PIP4K2C: variants seen among roughly 807,000 people sequenced by gnomAD.
The protein encoded by PIP4K2C is phosphatidylinositol 5-phosphate 4-kinase type-2 gamma.
A neutral mutation model predicts 45.0 loss-of-function variants in PIP4K2C; 21 were observed. The ratio of observed to expected loss-of-function variants is 0.47; its 90% CI spans 0.33 to 0.67. The LOEUF is 0.67. Among genes scored for constraint, PIP4K2C ranks in the 30% least tolerant of loss-of-function variants. PIP4K2C has a pLI of 0.02. For synonymous variants in PIP4K2C, 201 were observed against 204.8 expected, an observed-to-expected ratio of 0.98 and a Z score of 0.16; for missense variants, 456 against 542.8, an observed-to-expected ratio of 0.84 and a Z score of 1.59.
intron 3 of PIP4K2C, among the ~76,000 whole-genome samples, chr12:57,595,643 C>T (rs562246193): frequency 2.4e-4 from 35 of 144,142 alleles, no homozygotes; most frequent in Admixed American, 3.6e-4. Context: ...GCGAAGGTTG[C>T]AATGAGCTGA....
At chr12:57,601,165 T>C in intron 8 of PIP4K2C, 80 bp from the exon 9 acceptor site, 2 of 1,591,146 alleles carry the variant, frequency 1.3e-6, no homozygotes, top group South Asian at 1.1e-5. Context: ...CCTGATTAGC[T>C]TTTCAGAACA....
chr12:57,600,593 C>T (rs114471832), intron 7 of PIP4K2C, among the ~76,000 whole-genome samples, 156 bp downstream of exon 7: 2,155 of 152,252 alleles, frequency 0.014, 40 homozygotes, highest in Middle Eastern at 0.041. Flanking sequence ...TGAAAAACCC[C>T]TGGAGCTGAC....
In PIP4K2C at chr12:57,602,575, T is replaced by C. The variant is rs901355485; in HGVS notation, c.*969T>C. On this transcript the variant is annotated 3_prime_UTR_variant, in exon 10 of 10. Transcript: ENST00000354947. Reference sequence around the variant, plus strand: ...GAAGAAAGGAATATCTCTACTTGGATCAATTCTGGTCATTTCAAGAGGATG... The same window carrying C: ...GAAGAAAGGAATATCTCTACTTGGACCAATTCTGGTCATTTCAAGAGGATG... 4.6e-5 allele frequency: 7 copies of C among 152,252 alleles called. No individual in the cohort carries two copies. Among genetic ancestry groups the C allele is most frequent in the Admixed American group, 4.6e-4 (7 of 15,284 alleles). The allele number at this position is 152,252 out of a possible 1,614,324, so 9.4% of individuals were successfully genotyped here. A position where few individuals can be genotyped will look rare whatever the true frequency, so the allele number is the denominator to read the frequency against.
chr12:57,596,245 G>GGAGGCT (rs1031800782), intron 4 of PIP4K2C, among the ~76,000 whole-genome samples: 16 of 152,144 alleles, frequency 1.1e-4, no homozygotes, highest in Admixed American at 1.3e-4. Flanking sequence ...CAGCACTTTG[G>GGAGGCT]GAGGCTGAGG....
At chr12:57,599,008 C>T (rs1366334557) in intron 4 of PIP4K2C, 57 bp from the exon 5 acceptor site, 2 of 1,570,404 alleles carry the variant, frequency 1.3e-6, no homozygotes, top group Non-Finnish European at 1.7e-6. Flanking sequence ...CTTCCCTGGG[C>T]TGTTTGTGTA....
chr12:57,593,942 C>T (rs535757498), intron 1 of PIP4K2C, 83 bp from the exon 2 acceptor site: 4 of 972,748 alleles, frequency 4.1e-6, no homozygotes, highest in Non-Finnish European at 6.3e-6. Context: ...GTGGCCCTTG[C>T]ATGACTGCTG....
Position 57,591,373 on chromosome 12 carries a change from C to G in PIP4K2C, c.84C>G (p.Thr28=). The stretch of plus-strand genomic sequence containing the variant: ...CAGGTTTCGGCTTCGCCTCCAAGAC[C>G]AAGAAGAAGCATTTCGTGCAGCAGA... ...PGPGFGFASK[T]KKKHFVQQKV... is the part of the protein sequence containing the mutation. Residue 28 remains threonine, a synonymous_variant, in exon 1 of 10, where the codon ACC becomes ACG. Transcript: ENST00000354947. 4.3e-6 allele frequency: 7 copies of G among 1,613,914 alleles called. No homozygotes were observed. The South Asian group carries it at 7.7e-5, about 18-fold the overall frequency.
intron 3 of PIP4K2C, 78 bp from the exon 4 acceptor site, chr12:57,595,810 C>T (rs900175321): frequency 2.0e-6 from 3 of 1,514,532 alleles, no homozygotes; most frequent in Admixed American, 1.7e-5. Flanking sequence ...CATCCACTTT[C>T]AGCTGACCAT....
rs1882943371 is a variant in PIP4K2C at position 57,591,338 on chromosome 12, G to C, written c.49G>C (p.Gly17Arg). Residue 17 changes from glycine to arginine, a missense_variant, in exon 1 of 10, where the codon GGC becomes CGC. Gly to Arg is a moderately radical substitution (Grantham distance 125, BLOSUM62 -2). This residue lies in a region of PIP4K2C where 421 missense variants were observed against 473.1 expected (regional missense o/e 0.89). Transcript: ENST00000354947. ...PPATVSAATA[G>R]PGPGFGFASK... ...AGCCACGGTATCGGCGGCGACAGCA[G>C]GCCCCGGCCCAGGTTTCGGCTTCGC... The C allele has an allele frequency of 1.9e-6, 3 of 1,613,164 alleles. No individual in the cohort carries two copies. Among genetic ancestry groups the C allele is most frequent in the African/African-American group, 1.3e-5 (1 of 74,868 alleles).
rs1883137990 is a variant in PIP4K2C, at chr12:57,595,229, G to T, written c.369+7G>T. The T allele has an allele frequency of 1.3e-6, 2 of 1,569,374 alleles. No homozygotes were observed. Among genetic ancestry groups the T allele is most frequent in the African/African-American group, 2.7e-5 (2 of 73,826 alleles). On this transcript the variant is annotated splice_region_variant and intron_variant, in intron 3 of 9. Transcript: ENST00000354947. The stretch of plus-strand genomic sequence containing the variant: ...TGATGACCAAGATTACTTGGTGAGA[G>T]TCCATTAAGGGGTGAGGGTAGCCCT...
intron 4 of PIP4K2C, among the ~76,000 whole-genome samples, chr12:57,596,349 A>G (rs541944368): frequency 3.3e-5 from 5 of 151,984 alleles, no homozygotes; most frequent in Middle Eastern, 3.2e-3. Flanking sequence ...GCTGGGCATG[A>G]TGGCTCATGC....
Position 57,591,314 on chromosome 12 carries a change from G to T in PIP4K2C, c.25G>T (p.Ala9Ser). The T allele has an allele frequency of 6.2e-7, 1 of 1,612,852 alleles. No homozygotes were observed. Among genetic ancestry groups the T allele is most frequent in the Non-Finnish European group, 8.5e-7 (1 of 1,179,354 alleles). Residue 9 changes from alanine (A) to serine (S), a missense_variant, in exon 1 of 10, where the codon GCC becomes TCC. Ala to Ser is a moderately conservative substitution (Grantham distance 99). Coordinates refer to ENST00000354947, the MANE Select transcript of PIP4K2C (RefSeq NM_024779.5). ...TATGGCGTCCTCCTCGGTCCCACCA[G>T]CCACGGTATCGGCGGCGACAGCAGG... MASSSVPP[A>S]TVSAATAGPG...
intron 6 of PIP4K2C, 108 bp from the exon 7 acceptor site, chr12:57,600,216 A>G: frequency 1.6e-6 from 1 of 630,958 alleles, no homozygotes; most frequent in South Asian, 2.0e-5. Flanking sequence ...CACAGTGTGG[A>G]GTTAGATGAG....
rs906386147 is a variant in PIP4K2C at position 57,598,163 on chromosome 12, A to T, written c.514-902A>T. 2.0e-5 allele frequency: 3 copies of T among 152,172 alleles called. No homozygotes were observed. In the East Asian group the frequency reaches 5.8e-4, roughly 29 times the overall value. The allele number at this position is 152,172 out of a possible 1,614,324, so 9.4% of individuals were successfully genotyped here. The stretch of plus-strand genomic sequence containing the variant: ...TGGGCTCAAGCGATCCTCCTGCCTC[A>T]ACCTCCCAAGTAGCTGGGATTACAG... On this transcript the variant is annotated intron_variant, in intron 4 of 9. Transcript: ENST00000354947.
In PIP4K2C at chr12:57,600,463, G is replaced by A. The variant is rs190131139; in HGVS notation, c.813+26G>A. On this transcript the variant is annotated intron_variant, in intron 7 of 9. Transcript: ENST00000354947. Reference sequence around the variant, plus strand: ...GTGATGATTGGGTGCTCTGGGAAATGGCTTTCCTTTTTTTGCTCCCTAGAG... The same window carrying A: ...GTGATGATTGGGTGCTCTGGGAAATAGCTTTCCTTTTTTTGCTCCCTAGAG... The A allele has an allele frequency of 8.8e-5, 133 of 1,514,270 alleles. 1 individual carries two copies. In the African/African-American group the frequency reaches 1.6e-3, roughly 19 times the overall value. The allele number at this position is 1,514,270 out of a possible 1,614,324, so 93.8% of individuals were successfully genotyped here. A position where few individuals can be genotyped will look rare whatever the true frequency, so the allele number is the denominator to read the frequency against.
chr12:57,592,424 G>A (rs774114933), intron 1 of PIP4K2C, among the ~76,000 whole-genome samples: 1 of 152,214 alleles, frequency 6.6e-6, no homozygotes, highest in African/African-American at 2.4e-5. Context: ...GAAGTTGTGA[G>A]GAAGAATACG....
At chr12:57,601,398 A>C (rs1883431822) in intron 9 of PIP4K2C, 50 bp downstream of exon 9, 1 of 1,559,086 alleles carries the variant, frequency 6.4e-7, no homozygotes, top group African/African-American at 1.4e-5. Context: ...ATTCTTTGGG[A>C]ATAGAGTCTC....
rs189921682 is a variant in PIP4K2C, at chr12:57,601,972, C to G, written c.*366C>G. On this transcript the variant is annotated 3_prime_UTR_variant, in exon 10 of 10. Transcript: ENST00000354947. ...TTGCCTTCTTCAGGACCTGACTGGA[C>G]AGATGGACCTGGCTCAAGCAACTAC... is the stretch of plus-strand genomic sequence containing the variant. The G allele has an allele frequency of 3.9e-6, 1 of 256,802 alleles. No individual in the cohort carries two copies. The highest frequency in any genetic ancestry group is 9.1e-5 in the East Asian group (1 of 11,034). 15.9% of individuals were successfully genotyped at this position (256,802 alleles called of 1,614,324 possible).
intron 4 of PIP4K2C, among the ~76,000 whole-genome samples, chr12:57,597,794 A>G (rs1883255776): frequency 6.6e-6 from 1 of 152,190 alleles, no homozygotes; most frequent in South Asian, 2.1e-4. Flanking sequence ...GGAGGGTGGT[A>G]TAATAAGAGC....
Sources: allele counts gnomAD v4.1 joint callset (sites outside exome capture counted in the v4.1 genomes callset), GRCh38; gene constraint gnomAD v4.1.1; regional missense constraint gnomAD v4.1.1; transcripts MANE v1.5; gene names NCBI Gene and HGNC (gene_info 2026-07-23, HGNC 2026-07-21).